Variants in NRXN3 observed in about 807,000 individuals in gnomAD.
NRXN3 encodes neurexin III.
Under a neutral mutation model 137.6 loss-of-function variants are expected in NRXN3, and 32 were observed. The ratio of observed to expected loss-of-function variants is 0.23; its 90% CI spans 0.18 to 0.31. The LOEUF (loss-of-function observed/expected upper bound fraction) is 0.31, where lower values mean the gene tolerates loss of function less well. Ranked by LOEUF, NRXN3 falls within the 10% of genes least tolerant of loss-of-function variation. The pLI, the probability that NRXN3 is intolerant of heterozygous loss-of-function variation, is 1.00. For missense variants in NRXN3, 1,574 were observed against 2,062.5 expected (o/e 0.76, Z 4.59); for synonymous variants, 798 against 784.5 (o/e 1.02, Z -0.29).
At chr14:79,727,813 C>A (rs1316189239) in intron 19 of NRXN3, among the ~76,000 whole-genome samples, 1 of 152,060 alleles carries the variant, frequency 6.6e-6, no homozygotes, top group East Asian at 1.9e-4. Flanking sequence ...CGAGAGAAAT[C>A]CTGGACTTTT....
At chr14:78,533,300 G>A (rs988785608) in intron 4 of NRXN3, among the ~76,000 whole-genome samples, 1 of 151,694 alleles carries the variant, frequency 6.6e-6, no homozygotes, top group African/African-American at 2.4e-5. Context: ...TGGTCAGGCT[G>A]GTCTCAAACT....
intron 15 of NRXN3, among the ~76,000 whole-genome samples, chr14:79,220,003 A>G (rs1456685621): frequency 6.6e-6 from 1 of 152,204 alleles, no homozygotes; most frequent in Admixed American, 6.6e-5. Flanking sequence ...TTTATAGGTC[A>G]TATAACTGAA....
chr14:79,488,019 T>A (rs946891140), intron 16 of NRXN3, among the ~76,000 whole-genome samples: 1 of 152,064 alleles, frequency 6.6e-6, no homozygotes, highest in Non-Finnish European at 1.5e-5. Context: ...AGGAGAGATG[T>A]GATAATTAGA....
At chr14:79,475,164 T>C (rs2096548985) in intron 16 of NRXN3, among the ~76,000 whole-genome samples, 1 of 152,130 alleles carries the variant, frequency 6.6e-6, no homozygotes, top group African/African-American at 2.4e-5. Flanking sequence ...AAATACTTCA[T>C]AGATTTGGAT....
At chr14:78,737,636 AG>A (rs968785807) in intron 8 of NRXN3, among the ~76,000 whole-genome samples, 2 of 152,148 alleles carry the variant, frequency 1.3e-5, no homozygotes, top group Non-Finnish European at 2.9e-5. Context: ...GGGGAGGGGT[AG>A]AAATGGGAAC....
chr14:79,456,914 C>T (rs2153597499), intron 15 of NRXN3, among the ~76,000 whole-genome samples: 1 of 152,104 alleles, frequency 6.6e-6, no homozygotes, highest in Non-Finnish European at 1.5e-5. Context: ...TGTCTTTACT[C>T]TTTCAGTCAG....
At chr14:78,734,140 G>C (rs1013777010) in intron 8 of NRXN3, among the ~76,000 whole-genome samples, 6 of 151,252 alleles carry the variant, frequency 4.0e-5, no homozygotes. Flanking sequence ...GGCTACAGTT[G>C]AATCAGGGAT....
intron 15 of NRXN3, among the ~76,000 whole-genome samples, chr14:78,990,519 C>T (rs569314055): frequency 1.3e-5 from 2 of 151,954 alleles, no homozygotes; most frequent in Non-Finnish European, 2.9e-5. Context: ...TTACAGGTGC[C>T]TGCCACTACG....
At position 78,904,851 on chromosome 14, in the gene NRXN3, C is replaced by T. The variant is rs187977695; in HGVS notation, c.2276-52391C>T. On this transcript the variant is annotated intron_variant, in intron 10 of 20. Coordinates refer to ENST00000335750, the MANE Select transcript of NRXN3 (RefSeq NM_001330195.2). ...TGAATATGAATGACCTTTCCCTACACGGCTTTTCATAGTATATTCCTATTT... is the reference window on the plus strand; with the variant it reads ...TGAATATGAATGACCTTTCCCTACATGGCTTTTCATAGTATATTCCTATTT... Among the ~76,000 whole-genome samples, 5 of 152,180 alleles carry T rather than the reference C, an allele frequency of 3.3e-5. No homozygotes were observed. The East Asian group carries it at 5.8e-4, about 18-fold the overall frequency.
At chr14:79,449,286 C>T (rs1400067713) in intron 15 of NRXN3, among the ~76,000 whole-genome samples, 2 of 152,170 alleles carry the variant, frequency 1.3e-5, no homozygotes, top group African/African-American at 4.8e-5. Context: ...TAGGTTGTAG[C>T]ATGCCCCTTC....
chr14:78,220,046 A>G (rs1309445381), intron 1 of NRXN3, among the ~76,000 whole-genome samples: 1 of 152,086 alleles, frequency 6.6e-6, no homozygotes, highest in Non-Finnish European at 1.5e-5. Flanking sequence ...AGTGTGAGAG[A>G]GAGGAGATGA....
At chr14:79,430,807 A>G (rs2095740472) in intron 15 of NRXN3, among the ~76,000 whole-genome samples, 2 of 152,160 alleles carry the variant, frequency 1.3e-5, no homozygotes, top group African/African-American at 4.8e-5. Context: ...GCTTATTACT[A>G]ATTAGCTTAC....
intron 4 of NRXN3, among the ~76,000 whole-genome samples, chr14:78,406,169 G>C (rs572950565): frequency 6.6e-6 from 1 of 152,168 alleles, no homozygotes; most frequent in East Asian, 1.9e-4. Context: ...GATGGGCTTT[G>C]AAGCATGAGC....
intron 1 of NRXN3, among the ~76,000 whole-genome samples, chr14:78,233,688 CAA>C (rs10673907): frequency 1.3e-4 from 15 of 117,574 alleles, no homozygotes; most frequent in East Asian, 7.2e-4. Flanking sequence ...AAGTATGCTT[CAA>C]AAAAAAAAAA....
At chr14:78,353,734 A>G (rs2083884488) in intron 4 of NRXN3, among the ~76,000 whole-genome samples, 1 of 152,150 alleles carries the variant, frequency 6.6e-6, no homozygotes, top group Non-Finnish European at 1.5e-5. Context: ...GCAATTCCAG[A>G]GATGTTTGTA....
chr14:78,269,196 C>T (rs2072301357), intron 2 of NRXN3, among the ~76,000 whole-genome samples: 1 of 152,186 alleles, frequency 6.6e-6, no homozygotes, highest in South Asian at 2.1e-4. Flanking sequence ...GAAAGTCAGG[C>T]CTCAAAGCCA....
intron 10 of NRXN3, among the ~76,000 whole-genome samples, chr14:78,917,618 AAAG>A (rs1227418408): frequency 6.6e-5 from 10 of 152,164 alleles, no homozygotes; most frequent in African/African-American, 1.4e-4. Context: ...GCTGCTGATG[AAAG>A]AAGGTGTAGA....
chr14:79,230,882 G>T (rs2072055977), intron 15 of NRXN3, among the ~76,000 whole-genome samples: 1 of 151,940 alleles, frequency 6.6e-6, no homozygotes, highest in African/African-American at 2.4e-5. Context: ...TCTGTAAAAT[G>T]GGGAGAAAAA....
At chr14:79,271,402 C>T (rs1162585128) in intron 15 of NRXN3, among the ~76,000 whole-genome samples, 2 of 147,526 alleles carry the variant, frequency 1.4e-5, no homozygotes, top group Admixed American at 1.4e-4. Flanking sequence ...TCTTCCTTCC[C>T]CTTCCCTTTC....
Sources: allele counts gnomAD v4.1 joint callset (sites outside exome capture counted in the v4.1 genomes callset), GRCh38; gene constraint gnomAD v4.1.1; transcripts MANE v1.5; gene names NCBI Gene and HGNC (gene_info 2026-07-23, HGNC 2026-07-21).